CYP26A1: variants seen among roughly 807,000 people sequenced by gnomAD.
CYP26A1 encodes the protein cytochrome P450 26A1.
CYP26A1 carries 46 observed loss-of-function variants against 47.4 expected under a neutral mutation model. The observed-to-expected ratio is 0.97, with a 90% CI of 0.77 to 1.24. CYP26A1 has a LOEUF of 1.24. CYP26A1 is among the 50% of genes most tolerant of loss of function. The pLI is 0.00. For missense variants in CYP26A1, 680 were observed against 644.4 expected (o/e 1.06, Z -0.60); for synonymous variants, 277 against 263.7 (o/e 1.05, Z -0.49).
In CYP26A1 at chr10:93,077,350, G is replaced by A; in HGVS notation, c.*46G>A. On this transcript the variant is annotated 3_prime_UTR_variant, in exon 7 of 7. Coordinates refer to ENST00000224356, the MANE Select transcript of CYP26A1 (RefSeq NM_000783.4). ...TGAGACTTATTGGAAGTGTACATAT[G>A]AGTTTTTAAGGAGTGTTGTGTTGAC... is the stretch of plus-strand genomic sequence containing the variant. 9.1e-7 allele frequency: 1 copy of A among 1,095,636 alleles called. No homozygotes were observed. Among genetic ancestry groups the A allele is most frequent in the Non-Finnish European group, 1.3e-6 (1 of 780,618 alleles). 67.9% of individuals were successfully genotyped at this position (1,095,636 alleles called of 1,614,324 possible).
chr10:93,073,766 G>C (rs1176105594), upstream of CYP26A1: 3 of 565,334 alleles, frequency 5.3e-6, no homozygotes, highest in Non-Finnish European at 9.3e-6. Flanking sequence ...AGCGCCTCGC[G>C]GGGGGAGGAG....
chr10:93,075,228 A>T lies in CYP26A1; in HGVS notation c.785A>T (p.Glu262Val). Residue 262 changes from glutamate to valine, a missense_variant, in exon 4 of 7, where the codon GAG (glutamate) becomes GTG (valine). Coordinates refer to ENST00000224356, the MANE Select transcript of CYP26A1 (RefSeq NM_000783.4). ...AAGATCTGCGGGCTGCGGGCATCCGAGGCGGGCCAGGGCTGCAAAGACGCG... is the reference window on the plus strand; with the variant it reads ...AAGATCTGCGGGCTGCGGGCATCCGTGGCGGGCCAGGGCTGCAAAGACGCG... ...RAKICGLRASEAGQGCKDALQ... is the reference protein window; with the variant it reads ...RAKICGLRASVAGQGCKDALQ... The T allele has an allele frequency of 6.2e-7, 1 of 1,614,008 alleles. No individual in the cohort carries two copies.
At chr10:93,076,443 C>A in intron 5 of CYP26A1, 101 bp from the exon 6 acceptor site, 1 of 732,810 alleles carries the variant, frequency 1.4e-6, no homozygotes, top group South Asian at 2.0e-5. Flanking sequence ...CATCATGGGG[C>A]CCTTTGGGTT....
In CYP26A1 at chr10:93,075,219, G is replaced by A; in HGVS notation, c.776G>A (p.Arg259Gln). The A allele has an allele frequency of 6.2e-7, 1 of 1,613,984 alleles. No individual in the cohort carries two copies. Among genetic ancestry groups the A allele is most frequent in the Non-Finnish European group, 8.5e-7 (1 of 1,179,966 alleles). The change falls in exon 4 of 7, where the codon CGG (arginine) becomes CAG (glutamine). Residue 259 changes from arginine (R) to glutamine (Q), a missense_variant. By Grantham distance (43) the Arg-to-Gln change is conservative. Coordinates refer to ENST00000224356, the MANE Select transcript of CYP26A1 (RefSeq NM_000783.4). ...ATTCGCGCCAAGATCTGCGGGCTGC[G>A]GGCATCCGAGGCGGGCCAGGGCTGC... is the stretch of plus-strand genomic sequence containing the variant. ...QNIRAKICGL[R>Q]ASEAGQGCKD... is the part of the protein sequence containing the mutation.
In CYP26A1 at chr10:93,077,151, T is replaced by A. The variant is rs1051458953; in HGVS notation, c.1341T>A (p.Phe447Leu). The A allele has an allele frequency of 1.1e-5, 18 of 1,613,884 alleles. No individual in the cohort carries two copies. Among genetic ancestry groups the A allele is most frequent in the Non-Finnish European group, 1.4e-5 (16 of 1,179,902 alleles). ...TTAGGAGCTGTGTAGGCAAAGAATT[T>A]GCAAAAATTCTTCTCAAAATATTTA... Reference protein sequence around the residue: ...GGLRSCVGKEFAKILLKIFTV... With the variant: ...GGLRSCVGKELAKILLKIFTV... The change falls in exon 7 of 7, where the codon TTT (phenylalanine) becomes TTA (leucine). Residue 447 changes from phenylalanine to leucine, a missense_variant. By Grantham distance (22) the Phe-to-Leu change is conservative. Transcript: ENST00000224356.
chr10:93,074,939 T>G lies in CYP26A1; in HGVS notation c.575T>G (p.Ile192Ser). 3.1e-6 allele frequency: 5 copies of G among 1,613,228 alleles called. No homozygotes were observed. Among genetic ancestry groups the G allele is most frequent in the Non-Finnish European group, 2.5e-6 (3 of 1,180,016 alleles). The change falls in exon 3 of 7, where the codon ATC becomes AGC. Residue 192 changes from isoleucine (I) to serine (S), a missense_variant. Coordinates refer to ENST00000224356, the MANE Select transcript of CYP26A1 (RefSeq NM_000783.4). The surrounding 1 kb of genome is among the most constrained non-coding windows in gnomAD (Gnocchi z 5.3). ...CTCATGTTCCGAATCGCCATGCGCA[T>G]CCTACTGGGCTGCGAACCCCAACTG... Reference protein sequence around the residue: ...KRLMFRIAMRILLGCEPQLAG... With the variant: ...KRLMFRIAMRSLLGCEPQLAG...
intron 4 of CYP26A1, 66 bp downstream of exon 4, chr10:93,075,373 G>T: frequency 6.6e-7 from 1 of 1,518,294 alleles, no homozygotes; most frequent in East Asian, 2.4e-5. Context: ...CGCTGTTCCT[G>T]GGGCCCCCAA....
rs200904706 is a variant in CYP26A1 at position 93,076,993 on chromosome 10, A to C, written c.1183A>C (p.Ile395Leu). ...CCAGATTCCCAAGGGCTGGAATGTT[A>C]TCTACAGTATCTGTGATACTCATGA... Reference protein sequence around the residue: ...GYQIPKGWNVIYSICDTHDVA... With the variant: ...GYQIPKGWNVLYSICDTHDVA... Residue 395 changes from isoleucine (I) to leucine (L), a missense_variant, in exon 7 of 7, where the codon ATC (isoleucine) becomes CTC (leucine). Physicochemically the swap from Ile to Leu is conservative, Grantham distance 5. Transcript: ENST00000224356. The C allele has an allele frequency of 4.3e-6, 7 of 1,610,048 alleles. No individual in the cohort carries two copies. The highest frequency in any genetic ancestry group is 5.9e-6 in the Non-Finnish European group (7 of 1,177,258).
In CYP26A1 at chr10:93,074,002, C is replaced by A; in HGVS notation, c.68C>A (p.Ala23Asp). 2 of 1,586,974 alleles carry A rather than the reference C, an allele frequency of 1.3e-6. No homozygotes were observed. Among genetic ancestry groups the A allele is most frequent in the Non-Finnish European group, 1.7e-6 (2 of 1,156,480 alleles). Residue 23 changes from alanine (A) to aspartate (D), a missense_variant, in exon 1 of 7, where the codon GCT (alanine) becomes GAT (aspartate). Coordinates refer to ENST00000224356, the MANE Select transcript of CYP26A1 (RefSeq NM_000783.4). This position sits in a 1 kb window ranked among gnomAD's most constrained non-coding sequence, Gnocchi z 5.3. ...TFVLPLLLFLAAIKLWDLYCV... is the reference protein window; with the variant it reads ...TFVLPLLLFLDAIKLWDLYCV... The stretch of plus-strand genomic sequence containing the variant: ...GTGCTGCCGCTGCTGCTCTTCCTGG[C>A]TGCGATCAAGCTCTGGGACCTGTAC...
Position 93,074,260 on chromosome 10 carries a change from C to T in CYP26A1, c.190-48C>T, listed in dbSNP as rs771126127. On this transcript the variant is annotated intron_variant, in intron 1 of 6. Transcript: ENST00000224356. This position sits in a 1 kb window ranked among gnomAD's most constrained non-coding sequence, Gnocchi z 5.3. ...CAGGGCTGGCGGGAGCGCGGCGCTC[C>T]CCGGCGCCCCCTCATGCCCACTTCT... The T allele has an allele frequency of 2.1e-5, 32 of 1,516,648 alleles. No homozygotes were observed. In the South Asian group the frequency reaches 2.3e-4, roughly 11 times the overall value. The allele number at this position is 1,516,648 out of a possible 1,614,324, so 93.9% of individuals were successfully genotyped here. A position where few individuals can be genotyped will look rare whatever the true frequency, so the allele number is the denominator to read the frequency against.
chr10:93,075,208 C>A lies in CYP26A1; in HGVS notation c.765C>A (p.Ile255=), dbSNP rs778618617. The change falls in exon 4 of 7, where the codon ATC becomes ATA. Residue 255 remains isoleucine (I), a synonymous_variant. Transcript: ENST00000224356. ...TCGAGCAGAACATTCGCGCCAAGAT[C>A]TGCGGGCTGCGGGCATCCGAGGCGG... ...ARIEQNIRAK[I]CGLRASEAGQ... is the part of the protein sequence containing the mutation. 8.7e-6 allele frequency: 14 copies of A among 1,613,948 alleles called. 1 individual carries two copies. In the South Asian group the frequency reaches 1.5e-4, roughly 18 times the overall value.
chr10:93,075,253 G>A lies in CYP26A1; in HGVS notation c.810G>A (p.Ala270=). The A allele has an allele frequency of 6.8e-6, 11 of 1,614,064 alleles. No individual in the cohort carries two copies. Among genetic ancestry groups the A allele is most frequent in the Non-Finnish European group, 9.3e-6 (11 of 1,179,996 alleles). Residue 270 remains alanine, a synonymous_variant, in exon 4 of 7, where the codon GCG becomes GCA. Transcript: ENST00000224356. ...AGGCGGGCCAGGGCTGCAAAGACGCGCTGCAGCTGTTGATCGAGCACTCGT... is the reference window on the plus strand; with the variant it reads ...AGGCGGGCCAGGGCTGCAAAGACGCACTGCAGCTGTTGATCGAGCACTCGT... The part of the protein sequence containing the change: ...ASEAGQGCKD[A]LQLLIEHSWE...
intron 4 of CYP26A1, 121 bp downstream of exon 4, chr10:93,075,428 A>G (rs1846966022): frequency 2.3e-6 from 2 of 871,274 alleles, no homozygotes; most frequent in Non-Finnish European, 3.5e-6. Context: ...CGGCCGGCTC[A>G]GACTACAGCT....
At chr10:93,076,029 G>A in intron 5 of CYP26A1, 69 bp downstream of exon 5, 4 of 1,251,270 alleles carry the variant, frequency 3.2e-6, no homozygotes, top group South Asian at 1.2e-5. Context: ...GCCAACTTCC[G>A]AATAAGTCAG....
At chr10:93,076,477 A>T in intron 5 of CYP26A1, 67 bp from the exon 6 acceptor site, 1 of 1,126,252 alleles carries the variant, frequency 8.9e-7, no homozygotes, top group Non-Finnish European at 1.3e-6. Context: ...AGCCCTGTTT[A>T]CGTCTGCTGG....
chr10:93,074,538 G>A lies in CYP26A1; in HGVS notation c.414+6G>A. 6.4e-7 allele frequency: 1 copy of A among 1,551,376 alleles called. No individual in the cohort carries two copies. The highest frequency in any genetic ancestry group is 8.9e-7 in the Non-Finnish European group (1 of 1,123,542). ...CGCACAAGCAGCGCAAGAAGGTGGG[G>A]GCAGGAGGCGACGGCTGGACAGGGA... On this transcript the variant is annotated splice_donor_region_variant and intron_variant, in intron 2 of 6. Transcript: ENST00000224356. The surrounding 1 kb of genome is among the most constrained non-coding windows in gnomAD (Gnocchi z 5.3).
chr10:93,074,603 G>T lies in CYP26A1; in HGVS notation c.414+71G>T. On this transcript the variant is annotated intron_variant, in intron 2 of 6. Transcript: ENST00000224356. This position sits in a 1 kb window ranked among gnomAD's most constrained non-coding sequence, Gnocchi z 5.3. Reference sequence around the variant, plus strand: ...ATGAGCGGAATTCCGGCTGATGGATGCTAGGCGCGGGCTAGCAGCTTGAGG... The same window carrying T: ...ATGAGCGGAATTCCGGCTGATGGATTCTAGGCGCGGGCTAGCAGCTTGAGG... The T allele has an allele frequency of 1.7e-6, 2 of 1,161,790 alleles. No homozygotes were observed. The highest frequency in any genetic ancestry group is 1.3e-6 in the Non-Finnish European group (1 of 774,088). 72.0% of individuals were successfully genotyped at this position (1,161,790 alleles called of 1,614,324 possible).
intron 4 of CYP26A1, 111 bp from the exon 5 acceptor site, chr10:93,075,715 A>G (rs1846969068): frequency 3.8e-6 from 3 of 794,584 alleles, no homozygotes; most frequent in Non-Finnish European, 6.3e-6. Context: ...CTGTCAGCAA[A>G]ACATTTAGCC....
At chr10:93,075,339 A>G (rs767936362) in intron 4 of CYP26A1, 32 bp downstream of exon 4, 1 of 1,598,320 alleles carries the variant, frequency 6.3e-7, no homozygotes, top group Non-Finnish European at 8.6e-7. Flanking sequence ...GGCACTGCGG[A>G]GTTTGGTCCC....
Sources: gnomAD v4.1 joint callset for allele counts on GRCh38, gnomAD v4.1.1 for gene constraint, Gnocchi (gnomAD v3.1) non-coding constraint, MANE v1.5 for transcripts, NCBI Gene and HGNC (gene_info 2026-07-23, HGNC 2026-07-21) for gene names.